Variants in MAGI2 observed in about 807,000 individuals in gnomAD.
MAGI2 encodes the protein membrane associated guanylate kinase, WW and PDZ domain containing 2.
Under a neutral mutation model 133.3 loss-of-function variants are expected in MAGI2, and 35 were observed. The ratio of observed to expected loss-of-function variants is 0.26; its 90% CI spans 0.20 to 0.35. The LOEUF is 0.35. MAGI2 is among the 10% of genes least tolerant of loss of function. The pLI is 1.00. For missense variants in MAGI2, 1,636 were observed against 1,863.4 expected, an observed-to-expected ratio of 0.88 and a Z score of 2.25; for synonymous variants, 729 against 710.6, an observed-to-expected ratio of 1.03 and a Z score of -0.41.
Position 78,981,489 on chromosome 7 carries a change from AT to A in MAGI2, c.418+25600del, listed in dbSNP as rs531651665. Among the ~76,000 whole-genome samples, 472 of 151,592 alleles carry A rather than the reference AT, an allele frequency of 3.1e-3. 2 individuals carry two copies. The highest frequency in any genetic ancestry group is 0.027 in the Middle Eastern group (8 of 294). On this transcript the variant is annotated intron_variant, in intron 2 of 21. Coordinates refer to ENST00000354212, the MANE Select transcript of MAGI2 (RefSeq NM_012301.4). ...ATGTCTTTTAATGTCACAATATTCTATTTTTTCATTATAATTTTCATTTCAC... is the reference window on the plus strand; with the variant it reads ...ATGTCTTTTAATGTCACAATATTCTATTTTTCATTATAATTTTCATTTCAC...
At chr7:79,334,125 A>T (rs1261311607) in intron 1 of MAGI2, among the ~76,000 whole-genome samples, 1 of 152,148 alleles carries the variant, frequency 6.6e-6, no homozygotes, top group Non-Finnish European at 1.5e-5. Context: ...GGACTGAGGA[A>T]AGGACTTGAA....
intron 2 of MAGI2, among the ~76,000 whole-genome samples, chr7:78,956,092 T>A (rs1472065273): frequency 6.6e-6 from 1 of 152,038 alleles, no homozygotes; most frequent in African/African-American, 2.4e-5. Context: ...ATGAGGTATT[T>A]AAAAGTCTGT....
chr7:79,434,348 A>T (rs1334521248), intron 1 of MAGI2, among the ~76,000 whole-genome samples: 2 of 152,154 alleles, frequency 1.3e-5, no homozygotes, highest in African/African-American at 2.4e-5. Context: ...ACACACTGCT[A>T]AAGTATTTAA....
At chr7:79,101,052 T>C (rs923343690) in intron 1 of MAGI2, among the ~76,000 whole-genome samples, 13 of 152,092 alleles carry the variant, frequency 8.5e-5, no homozygotes, top group Non-Finnish European at 1.9e-4. Flanking sequence ...AGAATATAGT[T>C]AATATCTGAC....
At chr7:79,333,807 A>G (rs1018894067) in intron 1 of MAGI2, among the ~76,000 whole-genome samples, 16 of 152,196 alleles carry the variant, frequency 1.1e-4, no homozygotes, top group African/African-American at 3.9e-4. Flanking sequence ...AATTAATTGA[A>G]AATAATAGCA....
At chr7:79,197,889 CT>C (rs1828231144) in intron 1 of MAGI2, among the ~76,000 whole-genome samples, 1 of 151,864 alleles carries the variant, frequency 6.6e-6, no homozygotes, top group South Asian at 2.1e-4. Flanking sequence ...GACCCCATCT[CT>C]TAATATTATT....
intron 15 of MAGI2, among the ~76,000 whole-genome samples, chr7:78,161,687 A>AAT (rs397686482): frequency 7.8e-6 from 1 of 128,162 alleles, no homozygotes; most frequent in Non-Finnish European, 1.6e-5. Flanking sequence ...AAAAAAAAAA[A>AAT]GAAAAAAAAA....
intron 1 of MAGI2, among the ~76,000 whole-genome samples, chr7:79,046,712 C>A (rs1157704006): frequency 6.6e-6 from 1 of 152,150 alleles, no homozygotes; most frequent in Non-Finnish European, 1.5e-5. Context: ...TCTACTGCAT[C>A]ATGCTGGCAC....
intron 1 of MAGI2, among the ~76,000 whole-genome samples, chr7:79,444,316 C>T (rs1391728501): frequency 6.6e-6 from 1 of 152,000 alleles, no homozygotes; most frequent in Non-Finnish European, 1.5e-5. Flanking sequence ...CTGGCCAGGG[C>T]AATCAGGCAG....
chr7:78,872,329 CAA>C (rs1795099301), intron 2 of MAGI2, among the ~76,000 whole-genome samples: 1 of 151,416 alleles, frequency 6.6e-6, no homozygotes, highest in South Asian at 2.1e-4. Context: ...AATACATGAT[CAA>C]AAAGTAGGGT....
At chr7:78,232,161 TAATA>T (rs1252041355) in intron 10 of MAGI2, among the ~76,000 whole-genome samples, 7 of 152,184 alleles carry the variant, frequency 4.6e-5, no homozygotes, top group African/African-American at 1.7e-4. Flanking sequence ...CTCATTAATT[TAATA>T]GTCTTTTCTG....
intron 1 of MAGI2, among the ~76,000 whole-genome samples, chr7:79,130,826 A>C (rs1820868877): frequency 6.6e-6 from 1 of 152,208 alleles, no homozygotes; most frequent in Admixed American, 6.5e-5. Flanking sequence ...AGCTCACAGA[A>C]GTTAATTAAC....
intron 2 of MAGI2, among the ~76,000 whole-genome samples, chr7:78,723,144 A>G (rs151049489): frequency 6.6e-6 from 1 of 152,216 alleles, no homozygotes; most frequent in Admixed American, 6.5e-5. Flanking sequence ...AATCTTTTAA[A>G]TAATATCCTA....
intron 2 of MAGI2, among the ~76,000 whole-genome samples, chr7:78,832,768 G>A (rs1439135436): frequency 6.6e-6 from 1 of 152,164 alleles, no homozygotes; most frequent in Non-Finnish European, 1.5e-5. Context: ...GACAATGCCA[G>A]GTTGGACTGC....
rs139800025 is a variant in MAGI2 at position 78,810,554 on chromosome 7, A to G, written c.419-183315T>C. Among the ~76,000 whole-genome samples, 458 of 152,298 alleles carry G rather than the reference A, an allele frequency of 3.0e-3. 2 individuals are homozygous for G. Among genetic ancestry groups the G allele is most frequent in the African/African-American group, 0.01 (434 of 41,592 alleles). On this transcript the variant is annotated intron_variant, in intron 2 of 21. Transcript: ENST00000354212. ...ATTGGTAGGAAATATTAACAGTGAT[A>G]GCTGAACTCTTTTTTGTTTTCCCAA...
intron 6 of MAGI2, among the ~76,000 whole-genome samples, chr7:78,454,227 T>G (rs1463568296): frequency 1.3e-5 from 2 of 152,156 alleles, no homozygotes; most frequent in Non-Finnish European, 2.9e-5. Flanking sequence ...TGGTTTTGTT[T>G]TGATTTTTAT....
At chr7:78,300,134 T>C (rs1430883125) in intron 9 of MAGI2, among the ~76,000 whole-genome samples, 1 of 152,206 alleles carries the variant, frequency 6.6e-6, no homozygotes, top group African/African-American at 2.4e-5. Context: ...CATTTTTATA[T>C]TATAGTTCTT....
intron 1 of MAGI2, among the ~76,000 whole-genome samples, chr7:79,042,886 C>G (rs1416696642): frequency 6.6e-6 from 1 of 152,068 alleles, no homozygotes. Flanking sequence ...CAACCATGCT[C>G]TTGGACCACA....
intron 10 of MAGI2, among the ~76,000 whole-genome samples, chr7:78,210,579 T>C (rs1445045629): frequency 1.3e-5 from 2 of 152,140 alleles, no homozygotes; most frequent in East Asian, 3.8e-4. Context: ...ATTTTGAAGT[T>C]TGCACCAAAA....
Sources: gnomAD v4.1 joint callset for allele counts (sites outside exome capture counted in the v4.1 genomes callset) on GRCh38, gnomAD v4.1.1 for gene constraint, MANE v1.5 for transcripts, NCBI Gene and HGNC (gene_info 2026-07-23, HGNC 2026-07-21) for gene names.